Variants in FRYL observed in about 807,000 individuals in gnomAD.
FRYL encodes protein furry homolog-like.
A neutral mutation model predicts 351.2 loss-of-function variants in FRYL; 150 were observed. The observed-to-expected ratio is 0.43, with a 90% CI of 0.37 to 0.49. The LOEUF is 0.49. Among genes scored for constraint, FRYL ranks in the 20% least tolerant of loss-of-function variants. The probability of loss-of-function intolerance (pLI) is 0.00; values close to 1 mark genes in which losing one functional copy is unlikely to be tolerated. For synonymous variants in FRYL, 1,153 were observed against 1,257.1 expected (o/e 0.92, Z 1.75); for missense variants, 3,036 against 3,619.3 (o/e 0.84, Z 4.13).
intron 26 of FRYL, 36 bp from the exon 27 acceptor site, chr4:48,570,954 T>A: frequency 4.0e-6 from 6 of 1,507,452 alleles, no homozygotes; most frequent in Non-Finnish European, 5.5e-6. Context: ...ATTAAAATCC[T>A]GCTGGTGTAA....
intron 31 of FRYL, 69 bp from the exon 32 acceptor site, chr4:48,563,057 G>T: frequency 1.0e-6 from 1 of 1,001,086 alleles, no homozygotes; most frequent in Non-Finnish European, 1.5e-6. Context: ...TAATAAATAT[G>T]ATATGCAAAG....
At chr4:48,610,856 T>C (rs896341089) in intron 7 of FRYL, among the ~76,000 whole-genome samples, 10 of 150,444 alleles carry the variant, frequency 6.6e-5, no homozygotes, top group Non-Finnish European at 1.3e-4. Context: ...ACTCAATATG[T>C]ATATATCACA....
At position 48,540,680 on chromosome 4, in the gene FRYL, C is replaced by T. The variant is rs765103418; in HGVS notation, c.5968G>A (p.Val1990Met). ...TTGGTAGGCTCAGTAGTGGACTGCA[C>T]GTCATACATTCCTTTCTCTCTTAGA... Reference protein sequence around the residue: ...SSLREKGMYDVQSTTEPTNLM... With the variant: ...SSLREKGMYDMQSTTEPTNLM... The change falls in exon 46 of 64, where the codon GTG (valine) becomes ATG (methionine). Residue 1990 changes from valine (V) to methionine (M), a missense_variant. Val to Met is a conservative substitution (Grantham distance 21, BLOSUM62 1). Transcript: ENST00000358350. 10 of 1,613,794 alleles carry T rather than the reference C, an allele frequency of 6.2e-6. No homozygotes were observed. The highest frequency in any genetic ancestry group is 8.5e-6 in the Non-Finnish European group (10 of 1,179,866).
chr4:48,700,912 C>T (rs1384223803), intron 2 of FRYL, among the ~76,000 whole-genome samples: 1 of 151,924 alleles, frequency 6.6e-6, no homozygotes, highest in Non-Finnish European at 1.5e-5. Flanking sequence ...AGTACTTGCC[C>T]TAGTTACTGT....
Position 48,563,967 on chromosome 4 carries a change from C to T in FRYL, c.3577G>A (p.Ala1193Thr), listed in dbSNP as rs781394298. 1 of 1,613,888 alleles carries T rather than the reference C, an allele frequency of 6.2e-7. No individual in the cohort carries two copies. The highest frequency in any genetic ancestry group is 8.5e-7 in the Non-Finnish European group (1 of 1,179,960). Residue 1193 changes from alanine to threonine, a missense_variant, in exon 31 of 64, where the codon GCT (alanine) becomes ACT (threonine). By Grantham distance (58) the Ala-to-Thr change is moderately conservative (BLOSUM62 0). Around this residue, in one of 7 missense-constraint regions of FRYL, gnomAD observed 1,987 missense variants for 2,311.7 expected, o/e 0.86. Transcript: ENST00000358350. ...AAGTACCTGTTCTGGAAAACATTAG[C>T]AATGGCTTTAAAGCAGCCGGCCGCC... ...RVAAGCFKAI[A>T]NVFQNRDYQC... is the part of the protein sequence containing the mutation.
At chr4:48,715,252 A>G (rs1410781581) in intron 1 of FRYL, among the ~76,000 whole-genome samples, 1 of 151,602 alleles carries the variant, frequency 6.6e-6, no homozygotes, top group Non-Finnish European at 1.5e-5. Flanking sequence ...TATTCAACAT[A>G]GTGTTGGAAG....
In FRYL at chr4:48,561,607, A is replaced by G. The variant is rs368187866; in HGVS notation, c.3726T>C (p.Ala1242=). 174 of 1,611,056 alleles carry G rather than the reference A, an allele frequency of 1.1e-4. 1 individual carries two copies. The African/African-American group carries it at 1.8e-3, about 17-fold the overall frequency. ...CTGTTCTCTGAACCTCCAATTTGTGAGCATAGCGAAACATCTTCGGTTCCA... is the reference window on the plus strand; with the variant it reads ...CTGTTCTCTGAACCTCCAATTTGTGGGCATAGCGAAACATCTTCGGTTCCA... ...QILEPKMFRY[A]HKLEVQRTDG... Residue 1242 remains alanine, a synonymous_variant, in exon 33 of 64, where the codon GCT becomes GCC. Coordinates refer to ENST00000358350, the MANE Select transcript of FRYL (RefSeq NM_015030.2).
At chr4:48,556,426 A>C (rs1396865209) in intron 35 of FRYL, among the ~76,000 whole-genome samples, 2 of 152,188 alleles carry the variant, frequency 1.3e-5, no homozygotes, top group Non-Finnish European at 2.9e-5. Flanking sequence ...TCTTCGTTTC[A>C]TATCTCTTAC....
At chr4:48,666,733 C>T (rs1761772769) in intron 3 of FRYL, among the ~76,000 whole-genome samples, 1 of 152,078 alleles carries the variant, frequency 6.6e-6, no homozygotes, top group South Asian at 2.1e-4. Flanking sequence ...GTATTGATTA[C>T]AATGAACGTT....
chr4:48,653,991 T>G (rs545682819), intron 3 of FRYL: 3 of 1,064,704 alleles, frequency 2.8e-6, no homozygotes, highest in African/African-American at 3.3e-5. Context: ...TGCCGCTGAA[T>G]GCAGATGAAC....
chr4:48,716,006 G>C (rs1337880749), intron 1 of FRYL, among the ~76,000 whole-genome samples: 7 of 151,972 alleles, frequency 4.6e-5, no homozygotes, highest in South Asian at 2.1e-4. Context: ...ACAAACCTGA[G>C]AAAAACAAGC....
intron 55 of FRYL, 91 bp downstream of exon 55, chr4:48,520,957 T>C: frequency 2.2e-6 from 2 of 902,790 alleles, no homozygotes; most frequent in Non-Finnish European, 3.2e-6. Context: ...ACAAATCAAC[T>C]TCAAAACTTT....
At chr4:48,777,245 G>C (rs545833784) in intron 1 of FRYL, among the ~76,000 whole-genome samples, 149 of 152,208 alleles carry the variant, frequency 9.8e-4, no homozygotes, top group Admixed American at 2.1e-3. Flanking sequence ...GATGTCTGTG[G>C]AACAGATATT....
intron 53 of FRYL, among the ~76,000 whole-genome samples, chr4:48,523,803 C>T (rs1286929024): frequency 2.6e-5 from 4 of 152,204 alleles, no homozygotes; most frequent in African/African-American, 9.7e-5. Flanking sequence ...CAAAAACTGA[C>T]TTTAAATACC....
intron 37 of FRYL, among the ~76,000 whole-genome samples, chr4:48,551,153 C>T (rs1179445540): frequency 6.6e-6 from 1 of 151,698 alleles, no homozygotes; most frequent in African/African-American, 2.4e-5. Flanking sequence ...AATCCAAAAG[C>T]TTAAACTTTT....
intron 3 of FRYL, among the ~76,000 whole-genome samples, chr4:48,666,740 C>A (rs756427647): frequency 6.6e-6 from 1 of 152,048 alleles, no homozygotes; most frequent in African/African-American, 2.4e-5. Flanking sequence ...TTACAATGAA[C>A]GTTTCATAGT....
In FRYL at chr4:48,737,477, A is replaced by C. The variant is rs575369697; in HGVS notation, c.-383-26779T>G. On this transcript the variant is annotated intron_variant, in intron 1 of 63. Transcript: ENST00000358350. ...TTGGCCTATATTATTAAAGAAATTGAATCAATAATAACCTTCCAAAAGAGA... is the reference window on the plus strand; with the variant it reads ...TTGGCCTATATTATTAAAGAAATTGCATCAATAATAACCTTCCAAAAGAGA... Among the ~76,000 whole-genome samples, 25 of 152,320 alleles carry C rather than the reference A, an allele frequency of 1.6e-4. No individual in the cohort carries two copies. The East Asian group carries it at 3.5e-3, about 21-fold the overall frequency.
At chr4:48,608,960 T>G (rs749497796) in intron 9 of FRYL, 27 bp downstream of exon 9, 2 of 1,437,390 alleles carry the variant, frequency 1.4e-6, no homozygotes, top group Non-Finnish European at 2.0e-6. Context: ...GCAAAGAAAA[T>G]CTAAATGGGT....
At chr4:48,559,687 A>G (rs1578118180) in intron 33 of FRYL, among the ~76,000 whole-genome samples, 6 of 52,422 alleles carry the variant, frequency 1.1e-4, no homozygotes, top group Admixed American at 2.8e-4. Context: ...GGGGAGGGGG[A>G]TAGGGGGTGG....
Sources: allele counts gnomAD v4.1 joint callset (sites outside exome capture counted in the v4.1 genomes callset), GRCh38; gene constraint gnomAD v4.1.1; regional missense constraint gnomAD v4.1.1; transcripts MANE v1.5; gene names NCBI Gene and HGNC (gene_info 2026-07-23, HGNC 2026-07-21).